Variants in TIAM1 observed in about 807,000 individuals in gnomAD.
The protein encoded by TIAM1 is rho guanine nucleotide exchange factor TIAM1.
A neutral mutation model predicts 163.5 loss-of-function variants in TIAM1; 65 were observed. That is an observed-to-expected ratio of 0.40 (90% confidence interval 0.33 to 0.49). The LOEUF (loss-of-function observed/expected upper bound fraction) is 0.49. Among genes scored for constraint, TIAM1 ranks in the 20% least tolerant of loss-of-function variants. The pLI, the probability that TIAM1 is intolerant of heterozygous loss-of-function variation, is 0.77. For missense variants in TIAM1, 1,789 were observed against 2,044.7 expected (o/e 0.87, Z 2.41); for synonymous variants, 833 against 810.1 (o/e 1.03, Z -0.48).
At chr21:31,183,758 G>A (rs1041954097) in intron 14 of TIAM1, among the ~76,000 whole-genome samples, 9 of 150,530 alleles carry the variant, frequency 6.0e-5, no homozygotes, top group African/African-American at 1.2e-4. Context: ...GCAGTGGTGC[G>A]ATCTTGGCTC....
At chr21:31,307,749 G>A (rs1348165909) in intron 2 of TIAM1, among the ~76,000 whole-genome samples, 1 of 152,156 alleles carries the variant, frequency 6.6e-6, no homozygotes, top group Non-Finnish European at 1.5e-5. Context: ...TGAGGGGTAA[G>A]GGGAGAGGGG....
chr21:31,352,673 G>C (rs2076254432), intron 2 of TIAM1, among the ~76,000 whole-genome samples: 1 of 151,204 alleles, frequency 6.6e-6, no homozygotes. Context: ...CCAACACAAT[G>C]AAACCTCATC....
At chr21:31,273,979 G>A (rs2073179087) in intron 3 of TIAM1, among the ~76,000 whole-genome samples, 1 of 152,170 alleles carries the variant, frequency 6.6e-6, no homozygotes. Flanking sequence ...CACTCTGGGG[G>A]GCCGAGGTAG....
At chr21:31,290,425 G>A (rs551494375) in intron 2 of TIAM1, among the ~76,000 whole-genome samples, 14 of 151,952 alleles carry the variant, frequency 9.2e-5, no homozygotes, top group South Asian at 4.2e-4. Flanking sequence ...CTTGAGGTCC[G>A]GAGTTCAAGA....
intron 15 of TIAM1, among the ~76,000 whole-genome samples, chr21:31,176,128 G>A (rs2146412283): frequency 6.6e-6 from 1 of 152,234 alleles, no homozygotes; most frequent in South Asian, 2.1e-4. Flanking sequence ...GTCTCGTAGT[G>A]GCTTGCAGGG....
intron 2 of TIAM1, among the ~76,000 whole-genome samples, chr21:31,326,661 C>T (rs1483963706): frequency 1.3e-5 from 2 of 152,204 alleles, no homozygotes; most frequent in Non-Finnish European, 2.9e-5. Flanking sequence ...ATACACTTCC[C>T]ACCAGGTAAT....
At position 31,223,450 on chromosome 21, in the gene TIAM1, T is replaced by C; in HGVS notation, c.1951A>G (p.Met651Val). The C allele has an allele frequency of 1.2e-6, 2 of 1,613,970 alleles. No individual in the cohort carries two copies. Among genetic ancestry groups the C allele is most frequent in the Non-Finnish European group, 1.7e-6 (2 of 1,179,864 alleles). The change falls in exon 8 of 28, where the codon ATG becomes GTG. Residue 651 changes from methionine (M) to valine (V), a missense_variant. Physicochemically the swap from Met to Val is conservative, Grantham distance 21 (BLOSUM62 1). Around this residue, in one of 5 missense-constraint regions of TIAM1, gnomAD observed 456 missense variants for 586.6 expected, o/e 0.78. Coordinates refer to ENST00000541036, the MANE Select transcript of TIAM1 (RefSeq NM_001353694.2). ...AFASRPTKVA[M>V]GRLGIFSVSS... is the part of the protein sequence containing the mutation. ...ACCGAAAAGATTCCAAGGCGGCCCA[T>C]GGCCACTTTCGTTGGTCGACTTGCA... is the stretch of plus-strand genomic sequence containing the variant.
chr21:31,490,878 G>A (rs1258083536), intron 1 of TIAM1, among the ~76,000 whole-genome samples: 1 of 152,188 alleles, frequency 6.6e-6, no homozygotes, highest in Admixed American at 6.5e-5. Context: ...TGTAATCCCA[G>A]CACTTTGGGA....
At chr21:31,180,208 C>CT (rs1316874111) in intron 15 of TIAM1, among the ~76,000 whole-genome samples, 3 of 151,968 alleles carry the variant, frequency 2.0e-5, no homozygotes, top group Non-Finnish European at 4.4e-5. Context: ...GCCCGGTAGA[C>CT]TTTTTTTAAA....
rs1381536022 is a variant in TIAM1, at chr21:31,181,779, T to C, written c.2887+642A>G. 9.0e-4 allele frequency among the ~76,000 whole-genome samples: 70 copies of C among 77,422 alleles called. 5 individuals are homozygous for C. The South Asian group carries it at 0.02, about 22-fold the overall frequency. 50.8% of individuals were successfully genotyped at this position (77,422 alleles called of 152,430 possible). On this transcript the variant is annotated intron_variant, in intron 15 of 27. Coordinates refer to ENST00000541036, the MANE Select transcript of TIAM1 (RefSeq NM_001353694.2). ...TTCTTTTTTTTTTTTTTTTTTTTTT[T>C]TTTTTTTTTTTTTTTTTTTTTTTTT...
intron 2 of TIAM1, among the ~76,000 whole-genome samples, chr21:31,426,328 C>T (rs1246358425): frequency 6.6e-6 from 1 of 152,188 alleles, no homozygotes; most frequent in Admixed American, 6.6e-5. Flanking sequence ...AGACTTGGGG[C>T]TCCATGGGAT....
chr21:31,458,369 A>G (rs1325868867), intron 2 of TIAM1, among the ~76,000 whole-genome samples: 1 of 152,042 alleles, frequency 6.6e-6, no homozygotes, highest in African/African-American at 2.4e-5. Context: ...GCAGTGAGCC[A>G]AGATCACACC....
chr21:31,353,302 C>T (rs188866999), intron 2 of TIAM1, among the ~76,000 whole-genome samples: 6 of 152,286 alleles, frequency 3.9e-5, no homozygotes, highest in East Asian at 1.9e-4. Context: ...ACCCTCAACT[C>T]GCAGTAATTT....
rs199787368 is a variant in TIAM1, at chr21:31,205,717, T to A, written c.2389-2705A>T. ...ATGGTGGCTCATGCCTGTAATCCCA[T>A]CACTTTGGGAGGCCAAGGTGGGCTA... On this transcript the variant is annotated intron_variant, in intron 11 of 27. Transcript: ENST00000541036. 1.8e-4 allele frequency among the ~76,000 whole-genome samples: 28 copies of A among 152,246 alleles called. No homozygotes were observed. The East Asian group carries it at 3.9e-3, about 21-fold the overall frequency.
intron 1 of TIAM1, among the ~76,000 whole-genome samples, chr21:31,551,892 T>TA (rs1297720415): frequency 6.6e-6 from 1 of 152,078 alleles, no homozygotes; most frequent in African/African-American, 2.4e-5. Context: ...CTAGAAGCAC[T>TA]AAAAACAAAA....
chr21:31,387,288 T>A lies in TIAM1; in HGVS notation c.-368-47866A>T, dbSNP rs559085426. 5.7e-5 allele frequency among the ~76,000 whole-genome samples: 8 copies of A among 140,260 alleles called. 1 individual carries two copies. The East Asian group carries it at 1.8e-3, about 32-fold the overall frequency. 92.0% of individuals were successfully genotyped at this position (140,260 alleles called of 152,430 possible). A position where few individuals can be genotyped will look rare whatever the true frequency, so the allele number is the denominator to read the frequency against. ...TCCAGGCTGGAGTGCAGTGGTGCCA[T>A]CTCAATTCACTGCAACCTCTGCCTC... On this transcript the variant is annotated intron_variant, in intron 2 of 28. Coordinates refer to the TIAM1 transcript ENST00000286827.
chr21:31,249,428 C>T (rs1370689977), intron 5 of TIAM1, among the ~76,000 whole-genome samples: 2 of 152,168 alleles, frequency 1.3e-5, no homozygotes, highest in African/African-American at 4.8e-5. Flanking sequence ...GCTATGGCAG[C>T]CCCAGCAAAC....
At chr21:31,256,985 G>GA (rs2072149763) in intron 4 of TIAM1, among the ~76,000 whole-genome samples, 1 of 152,134 alleles carries the variant, frequency 6.6e-6, no homozygotes, top group Non-Finnish European at 1.5e-5. Flanking sequence ...CACCAACATG[G>GA]AAGAAAGGTC....
intron 2 of TIAM1, among the ~76,000 whole-genome samples, chr21:31,299,469 T>A (rs1377832186): frequency 6.6e-6 from 1 of 152,236 alleles, no homozygotes; most frequent in African/African-American, 2.4e-5. Flanking sequence ...CAATTTATAA[T>A]GGAGTTTGTC....
Sources: gnomAD v4.1 joint callset for allele counts (sites outside exome capture counted in the v4.1 genomes callset) on GRCh38, gnomAD v4.1.1 for gene constraint, gnomAD v4.1.1 regional missense constraint, MANE v1.5 for transcripts, NCBI Gene and HGNC (gene_info 2026-07-23, HGNC 2026-07-21) for gene names.